TTC28: variants seen among roughly 807,000 people sequenced by gnomAD.
TTC28 encodes tetratricopeptide repeat domain 28, also known as tetratricopeptide repeat protein 28.
Under a neutral mutation model 198.0 loss-of-function variants are expected in TTC28, and 61 were observed. That is an observed-to-expected ratio of 0.31 (90% CI 0.25 to 0.38). The LOEUF is 0.38. TTC28 is among the 10% of genes least tolerant of loss of function. TTC28 has a pLI of 1.00. For synonymous variants in TTC28, 1,171 were observed against 1,297.8 expected (o/e 0.90, Z 2.10); for missense variants, 2,678 against 3,164.0 (o/e 0.85, Z 3.69).
intron 22 of TTC28, 34 bp from the exon 23 acceptor site, chr22:27,983,885 TAGA>T: frequency 6.6e-7 from 1 of 1,518,870 alleles, no homozygotes; most frequent in Non-Finnish European, 8.8e-7. Context: ...CAAGGACAGT[TAGA>T]ATTCTATATG....
At chr22:28,391,462 G>A (rs543512957) in intron 2 of TTC28, among the ~76,000 whole-genome samples, 396 of 152,026 alleles carry the variant, frequency 2.6e-3, no homozygotes, top group Non-Finnish European at 3.9e-3. Flanking sequence ...CATTCTCCCC[G>A]TCACTTTCAG....
chr22:28,534,741 G>C (rs949531234), intron 2 of TTC28, among the ~76,000 whole-genome samples: 2 of 152,118 alleles, frequency 1.3e-5, no homozygotes, highest in Admixed American at 1.3e-4. Context: ...CCATAAAAAA[G>C]ATGAGTTCAT....
At chr22:28,325,153 G>A (rs2045507832) in intron 2 of TTC28, among the ~76,000 whole-genome samples, 1 of 151,392 alleles carries the variant, frequency 6.6e-6, no homozygotes, top group Non-Finnish European at 1.5e-5. Flanking sequence ...CAATTTCAGA[G>A]CCTGTTATTG....
At chr22:27,988,761 C>T (rs533418234) in intron 21 of TTC28, among the ~76,000 whole-genome samples, 3 of 152,204 alleles carry the variant, frequency 2.0e-5, no homozygotes, top group African/African-American at 7.2e-5. Context: ...TACCCCGCCC[C>T]GACCCCTCCG....
intron 14 of TTC28, chr22:28,008,218 G>A (rs1938002582): frequency 6.6e-6 from 1 of 152,216 alleles, no homozygotes; most frequent in Non-Finnish European, 1.5e-5. Flanking sequence ...CAAAACACAA[G>A]GGAGTCCTTT....
At chr22:28,218,586 T>TA (rs1189923165) in intron 5 of TTC28, among the ~76,000 whole-genome samples, 3 of 151,996 alleles carry the variant, frequency 2.0e-5, no homozygotes, top group Admixed American at 6.6e-5. Flanking sequence ...AAAAGTTCTA[T>TA]AAAAAAATAC....
intron 2 of TTC28, among the ~76,000 whole-genome samples, chr22:28,339,654 A>G (rs1015608679): frequency 5.9e-5 from 9 of 152,158 alleles, no homozygotes; most frequent in African/African-American, 1.7e-4. Flanking sequence ...TGTGCTAGCA[A>G]TGAGTGAGGC....
intron 12 of TTC28, among the ~76,000 whole-genome samples, chr22:28,082,513 T>G (rs1941405315): frequency 6.6e-6 from 1 of 152,236 alleles, no homozygotes; most frequent in Non-Finnish European, 1.5e-5. Context: ...GATCATGTGT[T>G]TTTTGTCCTT....
chr22:28,244,324 A>T (rs895550966), intron 5 of TTC28, among the ~76,000 whole-genome samples: 2 of 152,206 alleles, frequency 1.3e-5, no homozygotes, highest in Admixed American at 6.5e-5. Flanking sequence ...TCATAAAGAC[A>T]ACATGGATTC....
At chr22:28,674,678 G>T (rs2145716789) in intron 1 of TTC28, among the ~76,000 whole-genome samples, 1 of 152,082 alleles carries the variant, frequency 6.6e-6, no homozygotes, top group Middle Eastern at 3.4e-3. Context: ...AATTAGCTGG[G>T]CATAGTGGTG....
chr22:28,215,521 ATAACT>A (rs1203589371), intron 5 of TTC28, among the ~76,000 whole-genome samples: 8 of 152,352 alleles, frequency 5.3e-5, no homozygotes, highest in African/African-American at 1.9e-4. Context: ...CTGTATAAAA[ATAACT>A]TCATTATGGA....
chr22:28,085,740 C>T (rs1941566215), intron 12 of TTC28, among the ~76,000 whole-genome samples: 1 of 152,050 alleles, frequency 6.6e-6, no homozygotes, highest in Admixed American at 6.6e-5. Context: ...AGTCAAGACC[C>T]ATCAGTGTGC....
chr22:28,545,116 C>A (rs1270064501), intron 2 of TTC28, among the ~76,000 whole-genome samples: 23 of 152,094 alleles, frequency 1.5e-4, no homozygotes, highest in Admixed American at 1.5e-3. Context: ...GATGGGGACC[C>A]CTTTCCAGTA....
intron 2 of TTC28, among the ~76,000 whole-genome samples, chr22:28,489,143 GCA>G (rs965083832): frequency 3.3e-5 from 5 of 151,944 alleles, no homozygotes; most frequent in African/African-American, 9.7e-5. Flanking sequence ...AATTAGCTGG[GCA>G]CAGTAGGGCA....
chr22:28,677,696 G>A (rs557354265), intron 1 of TTC28, among the ~76,000 whole-genome samples: 4 of 152,070 alleles, frequency 2.6e-5, no homozygotes, highest in African/African-American at 9.7e-5. Flanking sequence ...CAGCACTTTG[G>A]GAGGCCAAGG....
intron 5 of TTC28, among the ~76,000 whole-genome samples, chr22:28,245,357 A>G (rs1444665353): frequency 1.3e-5 from 2 of 152,168 alleles, no homozygotes; most frequent in African/African-American, 4.8e-5. Flanking sequence ...AATAATACCA[A>G]TACCATTATT....
intron 2 of TTC28, among the ~76,000 whole-genome samples, chr22:28,314,758 A>C (rs1020780061): frequency 6.6e-6 from 1 of 152,170 alleles, no homozygotes; most frequent in Non-Finnish European, 1.5e-5. Flanking sequence ...CTGTAGTCCT[A>C]GCTACTTGGG....
intron 6 of TTC28, among the ~76,000 whole-genome samples, chr22:28,153,058 T>A (rs1021906723): frequency 2.0e-5 from 3 of 152,186 alleles, no homozygotes; most frequent in African/African-American, 7.2e-5. Flanking sequence ...ATTATATAGA[T>A]AATATGTAAC....
chr22:28,678,223 A>T (rs181196837), intron 1 of TTC28, among the ~76,000 whole-genome samples: 585 of 131,442 alleles, frequency 4.5e-3, no homozygotes, highest in South Asian at 9.1e-3. Context: ...GTATTTATTT[A>T]CTTATTTAAG....
Sources: allele counts gnomAD v4.1 joint callset (sites outside exome capture counted in the v4.1 genomes callset), GRCh38; gene constraint gnomAD v4.1.1; transcripts MANE v1.5; gene names NCBI Gene and HGNC (gene_info 2026-07-23, HGNC 2026-07-21).